USP34: variants seen among roughly 807,000 people sequenced by gnomAD.
USP34 encodes the protein ubiquitin carboxyl-terminal hydrolase 34.
USP34 carries 70 observed loss-of-function variants against 460.3 expected under a neutral mutation model. The observed-to-expected ratio is 0.15, with a 90% CI of 0.13 to 0.19. The LOEUF is 0.19. USP34 is among the 10% of genes least tolerant of loss of function. USP34 has a pLI of 1.00. For missense variants in USP34, 3,985 were observed against 4,236.2 expected (o/e 0.94, Z 1.65); for synonymous variants, 1,647 against 1,405.3 (o/e 1.17, Z -3.85).
chr2:61,363,250 A>G (rs1692327809), intron 10 of USP34, among the ~76,000 whole-genome samples: 1 of 152,232 alleles, frequency 6.6e-6, no homozygotes, highest in Non-Finnish European at 1.5e-5. Flanking sequence ...ACCCTCTGGT[A>G]TCACTGGTGA....
At chr2:61,255,160 T>C (rs1688691890) in intron 48 of USP34, among the ~76,000 whole-genome samples, 1 of 152,214 alleles carries the variant, frequency 6.6e-6, no homozygotes, top group Non-Finnish European at 1.5e-5. Context: ...CACTAAATTA[T>C]TATTTTCCAA....
At chr2:61,409,174 T>C (rs147214995) in intron 2 of USP34, among the ~76,000 whole-genome samples, 116 of 152,120 alleles carry the variant, frequency 7.6e-4, no homozygotes, top group African/African-American at 2.6e-3. Flanking sequence ...CAGCCAAGAT[T>C]GCACCACTGC....
chr2:61,460,418 G>C (rs1010089867), intron 1 of USP34, among the ~76,000 whole-genome samples: 1 of 152,120 alleles, frequency 6.6e-6, no homozygotes, highest in Non-Finnish European at 1.5e-5. Context: ...CACAATGCTT[G>C]TATTCAAGTA....
At chr2:61,283,822 T>C (rs1485762151) in intron 35 of USP34, among the ~76,000 whole-genome samples, 2 of 152,150 alleles carry the variant, frequency 1.3e-5, no homozygotes, top group African/African-American at 4.8e-5. Context: ...AGCTCCATTA[T>C]TTATTTGTTT....
chr2:61,463,550 T>C (rs929399092), intron 1 of USP34, among the ~76,000 whole-genome samples: 1 of 152,148 alleles, frequency 6.6e-6, no homozygotes, highest in Admixed American at 6.6e-5. Flanking sequence ...TAAGAACTTT[T>C]AGGCCAGGCA....
At chr2:61,257,882 A>C (rs1299078857) in intron 44 of USP34, among the ~76,000 whole-genome samples, 1 of 152,246 alleles carries the variant, frequency 6.6e-6, no homozygotes, top group Admixed American at 6.5e-5. Flanking sequence ...CAAAAAAATC[A>C]AAACAAAACA....
chr2:61,265,883 TAA>T, intron 42 of USP34, 99 bp downstream of exon 42: 2 of 1,121,802 alleles, frequency 1.8e-6, no homozygotes, highest in Non-Finnish European at 2.4e-6. Flanking sequence ...TTTATAATGT[TAA>T]AGTGTGTGAA....
chr2:61,329,860 T>C (rs1028056556), intron 20 of USP34, among the ~76,000 whole-genome samples: 2 of 152,178 alleles, frequency 1.3e-5, no homozygotes, highest in East Asian at 1.9e-4. Flanking sequence ...GTTAAAATAA[T>C]AGATTAATAA....
intron 19 of USP34, among the ~76,000 whole-genome samples, chr2:61,332,322 T>G (rs996420565): frequency 1.3e-5 from 2 of 152,054 alleles, no homozygotes; most frequent in African/African-American, 2.4e-5. Flanking sequence ...TTGTTACTGA[T>G]GTCAAATAAC....
At chr2:61,336,751 C>T (rs898751452) in intron 18 of USP34, among the ~76,000 whole-genome samples, 2 of 139,572 alleles carry the variant, frequency 1.4e-5, no homozygotes, top group African/African-American at 5.4e-5. Context: ...CAGAGGCTGT[C>T]GTCAGCCAAG....
chr2:61,454,264 T>C (rs1234102473), intron 1 of USP34, among the ~76,000 whole-genome samples: 1 of 151,620 alleles, frequency 6.6e-6, no homozygotes, highest in Non-Finnish European at 1.5e-5. Flanking sequence ...AGCTGGGGAT[T>C]ACAGGCGTGT....
At chr2:61,429,951 C>T (rs1384178603) in intron 1 of USP34, among the ~76,000 whole-genome samples, 2 of 151,074 alleles carry the variant, frequency 1.3e-5, no homozygotes, top group Admixed American at 6.6e-5. Flanking sequence ...CGGTGGCTCA[C>T]GCCTGTAATC....
chr2:61,208,027 T>G (rs1687167979), intron 70 of USP34: 1 of 152,318 alleles, frequency 6.6e-6, no homozygotes, highest in African/African-American at 2.4e-5. Context: ...CTTGTGGATG[T>G]TCAAGAATTA....
intron 42 of USP34, 43 bp downstream of exon 42, chr2:61,265,940 GA>G: frequency 6.7e-7 from 1 of 1,485,318 alleles, no homozygotes; most frequent in Non-Finnish European, 9.0e-7. Context: ...TCTTATTTCT[GA>G]ATTCAAAATC....
intron 53 of USP34, 86 bp from the exon 54 acceptor site, chr2:61,236,475 C>A: frequency 2.0e-6 from 2 of 991,818 alleles, no homozygotes. Flanking sequence ...AAAGTCTCTT[C>A]TAAAAAACCA....
Position 61,420,819 on chromosome 2 carries a change from C to G in USP34, c.58G>C (p.Gly20Arg). 6.2e-7 allele frequency: 1 copy of G among 1,608,002 alleles called. No individual in the cohort carries two copies. The highest frequency in any genetic ancestry group is 8.5e-7 in the Non-Finnish European group (1 of 1,177,322). ...EVLNEISDVE[G>R]GDGLQLRKEH... ...TTTCTGAGCTGCAGTCCATCACCAC[C>G]TTCTACATCTGATACTGAAATAAAA... is the stretch of plus-strand genomic sequence containing the variant. Residue 20 changes from glycine (G) to arginine (R), a missense_variant, in exon 2 of 80, where the codon GGT (glycine) becomes CGT (arginine). Coordinates refer to ENST00000398571, the MANE Select transcript of USP34 (RefSeq NM_014709.4).
At position 61,285,771 on chromosome 2, in the gene USP34, C is replaced by A. The variant is rs554660779; in HGVS notation, c.4750-814G>T. 1.6e-4 allele frequency among the ~76,000 whole-genome samples: 24 copies of A among 152,202 alleles called. No individual in the cohort carries two copies. The South Asian group carries it at 4.6e-3, about 29-fold the overall frequency. The stretch of plus-strand genomic sequence containing the variant: ...AATTAAAAAGCAATATAATATACCA[C>A]GGGTAGAGAGCATGGATTCTAGATT... On this transcript the variant is annotated intron_variant, in intron 34 of 79. Transcript: ENST00000398571.
At chr2:61,357,635 T>C (rs1692146185) in intron 10 of USP34, among the ~76,000 whole-genome samples, 1 of 152,224 alleles carries the variant, frequency 6.6e-6, no homozygotes, top group African/African-American at 2.4e-5. Context: ...ATGCAGTTCA[T>C]GCCTGTTGTA....
intron 1 of USP34, among the ~76,000 whole-genome samples, chr2:61,446,192 T>C (rs1447292925): frequency 2.0e-5 from 3 of 151,896 alleles, no homozygotes; most frequent in African/African-American, 7.3e-5. Flanking sequence ...AATACTTCAT[T>C]CCATATTTTC....
Sources: gnomAD v4.1 joint callset for allele counts (sites outside exome capture counted in the v4.1 genomes callset) on GRCh38, gnomAD v4.1.1 for gene constraint, MANE v1.5 for transcripts, NCBI Gene and HGNC (gene_info 2026-07-23, HGNC 2026-07-21) for gene names.